FRMPD4: variants seen among roughly 807,000 people sequenced by gnomAD.
FRMPD4 encodes FERM and PDZ domain-containing protein 4.
In FRMPD4, 22 loss-of-function variants were observed where a neutral mutation model predicts 94.1. That is an observed-to-expected ratio of 0.23 (90% CI 0.17 to 0.33). The LOEUF is 0.33. Ranked by LOEUF, FRMPD4 falls within the 10% of genes least tolerant of loss-of-function variation. The pLI is 1.00. For synonymous variants in FRMPD4, 631 were observed against 548.6 expected (o/e 1.15, Z -2.10); for missense variants, 1,111 against 1,339.9 (o/e 0.83, Z 2.67).
intron 1 of FRMPD4, among the ~76,000 whole-genome samples, chrX:12,470,535 G>A (rs748087225): frequency 3.6e-5 from 4 of 111,762 alleles, no homozygotes; most frequent in Non-Finnish European, 7.5e-5. Context: ...CAGCAAAAAG[G>A]GTAAATGTAC....
intron 3 of FRMPD4, among the ~76,000 whole-genome samples, chrX:12,018,459 A>G (rs189043128): frequency 9.1e-6 from 1 of 109,678 alleles, no homozygotes; most frequent in Non-Finnish European, 1.9e-5. Context: ...TCTTTGGCCC[A>G]GGCTGTAGTG....
chrX:12,711,704 G>C (rs1015244375), intron 14 of FRMPD4, among the ~76,000 whole-genome samples: 1 of 110,475 alleles, frequency 9.1e-6, no homozygotes, highest in Admixed American at 9.7e-5. Context: ...AAAGAAAGGG[G>C]AATTCTTAAA....
intron 1 of FRMPD4, among the ~76,000 whole-genome samples, chrX:12,462,523 C>G (rs2057401090): frequency 8.9e-6 from 1 of 112,044 alleles, no homozygotes. Flanking sequence ...TATATAGTTA[C>G]AGATCCTTTA....
chrX:12,500,325 C>T (rs956385637), intron 2 of FRMPD4, among the ~76,000 whole-genome samples: 7 of 111,882 alleles, frequency 6.3e-5, no homozygotes, highest in African/African-American at 2.3e-4. Flanking sequence ...TAAAAAATAT[C>T]TGCCAAGATT....
intron 1 of FRMPD4, among the ~76,000 whole-genome samples, chrX:12,248,368 A>G (rs1855806108): frequency 8.9e-6 from 1 of 112,354 alleles, no homozygotes; most frequent in South Asian, 3.7e-4. Flanking sequence ...CAGCAGTACT[A>G]TTGACATTTA....
At chrX:11,846,806 G>C (rs1194535180) in intron 1 of FRMPD4, among the ~76,000 whole-genome samples, 1 of 110,652 alleles carries the variant, frequency 9.0e-6, no homozygotes, top group Non-Finnish European at 1.9e-5. Context: ...AATAAATGGT[G>C]CTGGGAAAAC....
intron 2 of FRMPD4, among the ~76,000 whole-genome samples, chrX:11,867,879 A>G (rs938844991): frequency 9.0e-6 from 1 of 111,415 alleles, no homozygotes; most frequent in African/African-American, 3.3e-5. Flanking sequence ...CGTTTCCAAG[A>G]TCCCCATGAG....
intron 3 of FRMPD4, among the ~76,000 whole-genome samples, chrX:12,096,705 C>T (rs1018678994): frequency 4.5e-5 from 5 of 111,192 alleles, no homozygotes; most frequent in East Asian, 5.6e-4. Flanking sequence ...GGCAACATAG[C>T]AAGACCCGAT....
intron 1 of FRMPD4, among the ~76,000 whole-genome samples, chrX:12,162,860 G>C (rs12835891): frequency 0.17 from 18,826 of 110,753 alleles, 1,150 homozygotes; most frequent in South Asian, 0.32. Flanking sequence ...AATTTGACAT[G>C]TTTCTTTTCC....
intron 1 of FRMPD4, among the ~76,000 whole-genome samples, chrX:12,451,723 TGTGTATGCCC>T (rs1205783451): frequency 1.2e-5 from 1 of 86,405 alleles, no homozygotes; most frequent in East Asian, 3.9e-4. Flanking sequence ...CAGTGATATG[TGTGTATGCCC>T]GTGTGTGTGT....
chrX:12,175,520 TTTG>T (rs2056282772), intron 1 of FRMPD4, among the ~76,000 whole-genome samples: 1 of 111,814 alleles, frequency 8.9e-6, no homozygotes, highest in Non-Finnish European at 1.9e-5. Flanking sequence ...AGTACGTATT[TTTG>T]TTGTTGTCGT....
chrX:12,285,893 T>A (rs748029035), intron 1 of FRMPD4, among the ~76,000 whole-genome samples: 31 of 111,969 alleles, frequency 2.8e-4, no homozygotes, highest in African/African-American at 1.0e-3. Context: ...AGGACAATTC[T>A]GTGGACAAAC....
intron 5 of FRMPD4, among the ~76,000 whole-genome samples, chrX:12,678,022 G>C (rs1451799479): frequency 8.9e-6 from 1 of 112,484 alleles, no homozygotes; most frequent in African/African-American, 3.2e-5. Flanking sequence ...GAGACAACCA[G>C]TGTAAACATT....
intron 4 of FRMPD4, among the ~76,000 whole-genome samples, chrX:12,653,690 A>G (rs1225442014): frequency 1.8e-5 from 2 of 109,349 alleles, no homozygotes; most frequent in Non-Finnish European, 3.8e-5. Context: ...TCTACTACAT[A>G]TTCTGTATCT....
At chrX:11,935,094 TTAAA>T (rs1411128153) in intron 3 of FRMPD4, among the ~76,000 whole-genome samples, 2 of 47,936 alleles carry the variant, frequency 4.2e-5, no homozygotes, top group Admixed American at 2.5e-4. Flanking sequence ...TTTTTTTTTT[TTAAA>T]TTTAACAGCT....
intron 1 of FRMPD4, among the ~76,000 whole-genome samples, chrX:12,151,792 T>A (rs2055855078): frequency 8.9e-6 from 1 of 112,081 alleles, no homozygotes; most frequent in Non-Finnish European, 1.9e-5. Context: ...ATTTACTTAA[T>A]GATTTCCTAT....
chrX:11,952,869 A>T (rs1313284925), intron 3 of FRMPD4, among the ~76,000 whole-genome samples: 1 of 111,573 alleles, frequency 9.0e-6, no homozygotes, highest in Non-Finnish European at 1.9e-5. Flanking sequence ...GCTTGTTAGA[A>T]ATGCAACATT....
chrX:11,887,756 G>A (rs778655128), intron 3 of FRMPD4, among the ~76,000 whole-genome samples: 2 of 111,543 alleles, frequency 1.8e-5, no homozygotes, highest in African/African-American at 6.5e-5. Flanking sequence ...TTGTCTCTCC[G>A]AGAATATTTG....
At chrX:12,647,569 A>C (rs909919533) in intron 4 of FRMPD4, among the ~76,000 whole-genome samples, 1 of 111,848 alleles carries the variant, frequency 8.9e-6, no homozygotes, top group African/African-American at 3.3e-5. Context: ...GAAATGAAGA[A>C]GCCTCCTCAA....
Sources: allele counts gnomAD v4.1 joint callset (sites outside exome capture counted in the v4.1 genomes callset), GRCh38; gene constraint gnomAD v4.1.1; transcripts MANE v1.5; gene names NCBI Gene and HGNC (gene_info 2026-07-23, HGNC 2026-07-21).